NCAM1: variants seen among roughly 807,000 people sequenced by gnomAD.
NCAM1 encodes neural cell adhesion molecule 1, also known as antigen recognized by monoclonal antibody 5.1H11.
NCAM1 carries 14 observed loss-of-function variants against 109.8 expected under a neutral mutation model. That is an observed-to-expected ratio of 0.13 (90% CI 0.08 to 0.20). The LOEUF (loss-of-function observed/expected upper bound fraction) is 0.20. Among genes scored for constraint, NCAM1 ranks in the 10% least tolerant of loss-of-function variants. The pLI is 1.00. For synonymous variants in NCAM1, 418 were observed against 442.9 expected, an observed-to-expected ratio of 0.94 and a Z score of 0.70; for missense variants, 774 against 1,109.9, an observed-to-expected ratio of 0.70 and a Z score of 4.30.
At chr11:112,978,083 C>T (rs1437704129) in intron 1 of NCAM1, among the ~76,000 whole-genome samples, 1 of 151,744 alleles carries the variant, frequency 6.6e-6, no homozygotes, top group East Asian at 1.9e-4. Flanking sequence ...AGGAAAGTGA[C>T]TCATCTTTCT....
chr11:112,979,972 C>G (rs1185800443), intron 1 of NCAM1, among the ~76,000 whole-genome samples: 2 of 151,778 alleles, frequency 1.3e-5, no homozygotes, highest in Non-Finnish European at 2.9e-5. Context: ...GACACCCCTT[C>G]AGGATGAAAA....
chr11:113,009,312 G>GTT lies in NCAM1; in HGVS notation c.52+47676_52+47677dup, dbSNP rs781818836. 1.1e-3 allele frequency among the ~76,000 whole-genome samples: 91 copies of GTT among 79,688 alleles called. 6 individuals carry two copies. Among genetic ancestry groups the GTT allele is most frequent in the African/African-American group, 3.5e-3 (73 of 20,660 alleles). 52.3% of individuals were successfully genotyped at this position (79,688 alleles called of 152,430 possible). On this transcript the variant is annotated intron_variant, in intron 1 of 19. Coordinates refer to ENST00000316851, the MANE Select transcript of NCAM1 (RefSeq NM_181351.5). ...GATTTAATTGGAAGGGTTTTTTCGG[G>GTT]TTTTTTTTTTTTTTTTTTTTTTTTT...
At chr11:113,244,583 A>C (rs781801994) in intron 14 of NCAM1, among the ~76,000 whole-genome samples, 1 of 152,106 alleles carries the variant, frequency 6.6e-6, no homozygotes, top group African/African-American at 2.4e-5. Flanking sequence ...CAGCATGTGA[A>C]TATCCATCGA....
intron 1 of NCAM1, among the ~76,000 whole-genome samples, chr11:113,044,698 C>T (rs1953203998): frequency 6.6e-6 from 1 of 151,040 alleles, no homozygotes. Flanking sequence ...AAAACACAAA[C>T]AAAACCATGA....
At chr11:113,115,671 T>A (rs782474629) in intron 1 of NCAM1, among the ~76,000 whole-genome samples, 3 of 152,354 alleles carry the variant, frequency 2.0e-5, no homozygotes, top group Non-Finnish European at 2.9e-5. Context: ...ATGAGATACC[T>A]GTTACACATG....
chr11:113,208,478 A>C (rs530811316), intron 7 of NCAM1, among the ~76,000 whole-genome samples: 2 of 151,898 alleles, frequency 1.3e-5, no homozygotes, highest in South Asian at 4.2e-4. Flanking sequence ...CTTGTTCTTC[A>C]TCTCAGGATC....
intron 1 of NCAM1, among the ~76,000 whole-genome samples, chr11:113,002,175 A>C (rs1402147049): frequency 6.6e-6 from 1 of 152,148 alleles, no homozygotes; most frequent in Non-Finnish European, 1.5e-5. Flanking sequence ...ATGGGCTGAA[A>C]ATGGGGGAGC....
At chr11:113,166,694 C>T (rs557627136) in intron 1 of NCAM1, among the ~76,000 whole-genome samples, 7 of 152,138 alleles carry the variant, frequency 4.6e-5, no homozygotes, top group East Asian at 3.9e-4. Context: ...CCTCAGTTCA[C>T]GACAGGTAAC....
chr11:113,207,763 A>G, intron 6 of NCAM1, 70 bp from the exon 7 acceptor site: 2 of 1,478,064 alleles, frequency 1.4e-6, no homozygotes, highest in Non-Finnish European at 1.8e-6. Context: ...ATTCTATGGA[A>G]CCTAATTAAA....
intron 16 of NCAM1, 108 bp from the exon 17 acceptor site, chr11:113,260,038 C>A: frequency 2.0e-6 from 2 of 1,003,198 alleles, no homozygotes; most frequent in Non-Finnish European, 2.9e-6. Flanking sequence ...GATTTCATGC[C>A]AAAAGTTATT....
At chr11:113,115,408 A>T (rs564817233) in intron 1 of NCAM1, among the ~76,000 whole-genome samples, 1 of 152,150 alleles carries the variant, frequency 6.6e-6, no homozygotes, top group Non-Finnish European at 1.5e-5. Context: ...CTTTTCCCCA[A>T]TTCTGTGCTA....
At chr11:113,232,924 C>G (rs1945052740) in intron 12 of NCAM1, 110 bp downstream of exon 12, 1 of 1,104,012 alleles carries the variant, frequency 9.1e-7, no homozygotes, top group African/African-American at 1.6e-5. Context: ...AAGAAAGGGC[C>G]AGGGTCAGCA....
rs1025094893 is a variant in NCAM1, at chr11:113,246,513, C to A, written c.1828+143C>A. 1.4e-5 allele frequency: 9 copies of A among 640,008 alleles called. No individual in the cohort carries two copies. In the South Asian group the frequency reaches 1.6e-4, roughly 11 times the overall value. The allele number at this position is 640,008 out of a possible 1,614,324, so 39.6% of individuals were successfully genotyped here. A position where few individuals can be genotyped will look rare whatever the true frequency, so the allele number is the denominator to read the frequency against. Reference sequence around the variant, plus strand: ...TTGTTCTCAATTCACATCCAGAATTCATCATTCCTTGCAAACTTGACATGA... The same window carrying A: ...TTGTTCTCAATTCACATCCAGAATTAATCATTCCTTGCAAACTTGACATGA... On this transcript the variant is annotated intron_variant, in intron 15 of 19. Coordinates refer to ENST00000316851, the MANE Select transcript of NCAM1 (RefSeq NM_181351.5).
intron 14 of NCAM1, chr11:113,243,087 C>G: frequency 1.6e-6 from 1 of 607,442 alleles, no homozygotes; most frequent in Non-Finnish European, 2.1e-6. Context: ...CATGAGGAGG[C>G]TTTTCCAAAT....
chr11:113,192,514 G>A (rs1943713167), intron 1 of NCAM1, among the ~76,000 whole-genome samples: 1 of 152,154 alleles, frequency 6.6e-6, no homozygotes, highest in Non-Finnish European at 1.5e-5. Context: ...TAATCAGCTT[G>A]CCACAGGACT....
At chr11:112,969,091 G>T (rs1401943240) in intron 1 of NCAM1, among the ~76,000 whole-genome samples, 2 of 152,116 alleles carry the variant, frequency 1.3e-5, no homozygotes, top group African/African-American at 4.8e-5. Context: ...TTCTGCCTGG[G>T]ACTCCCTCGA....
chr11:113,230,307 T>G (rs1480835615), intron 9 of NCAM1, among the ~76,000 whole-genome samples: 2 of 152,204 alleles, frequency 1.3e-5, no homozygotes, highest in Non-Finnish European at 2.9e-5. Flanking sequence ...ATCAGAGAAC[T>G]CATCCCAGGG....
rs189595356 is a variant in NCAM1 at position 113,058,771 on chromosome 11, T to G, written c.52+97107T>G. Among the ~76,000 whole-genome samples the G allele has an allele frequency of 1.2e-4, 19 of 152,330 alleles. No individual in the cohort carries two copies. The South Asian group carries it at 1.9e-3, about 15-fold the overall frequency. On this transcript the variant is annotated intron_variant, in intron 1 of 19. Coordinates refer to ENST00000316851, the MANE Select transcript of NCAM1 (RefSeq NM_181351.5). ...ATGATTCCACCAGCTTAACTGCAAC[T>G]GCTTTCATAGCCGGCTCAGCCTGGG...
intron 1 of NCAM1, among the ~76,000 whole-genome samples, chr11:113,186,630 G>A (rs147058795): frequency 6.6e-6 from 1 of 152,178 alleles, no homozygotes; most frequent in African/African-American, 2.4e-5. Flanking sequence ...AGATGGCCCC[G>A]CATCGGCACT....
Sources: allele counts gnomAD v4.1 joint callset (sites outside exome capture counted in the v4.1 genomes callset), GRCh38; gene constraint gnomAD v4.1.1; transcripts MANE v1.5; gene names NCBI Gene and HGNC (gene_info 2026-07-23, HGNC 2026-07-21).